Variants in LUZP2 observed in about 807,000 individuals in gnomAD.
The protein encoded by LUZP2 is leucine zipper protein 2.
Under a neutral mutation model 51.6 loss-of-function variants are expected in LUZP2, and 52 were observed. That is an observed-to-expected ratio of 1.01 (90% CI 0.81 to 1.27). LUZP2 has a LOEUF of 1.27. LUZP2 is among the 50% of genes most tolerant of loss of function. The pLI, the probability that LUZP2 is intolerant of heterozygous loss-of-function variation, is 0.00. For missense variants in LUZP2, 436 were observed against 395.4 expected (o/e 1.10, Z -0.87); for synonymous variants, 154 against 137.3 (o/e 1.12, Z -0.85).
chr11:24,726,157 G>A (rs561223972), intron 1 of LUZP2, among the ~76,000 whole-genome samples: 2 of 152,048 alleles, frequency 1.3e-5, no homozygotes, highest in Admixed American at 1.3e-4. Flanking sequence ...CATATAAACA[G>A]ATAATTCACA....
At chr11:24,807,354 T>G (rs1849886061) in intron 5 of LUZP2, among the ~76,000 whole-genome samples, 1 of 151,472 alleles carries the variant, frequency 6.6e-6, no homozygotes, top group East Asian at 2.0e-4. Context: ...CGCAGCTACT[T>G]GGGAGGCTGA....
Position 24,805,956 on chromosome 11 carries a change from G to A in LUZP2, c.396+42648G>A, listed in dbSNP as rs79825193. On this transcript the variant is annotated intron_variant, in intron 5 of 11. Coordinates refer to ENST00000336930, the MANE Select transcript of LUZP2 (RefSeq NM_001009909.4). ...ATTCCACATTTCTGTCCTGCAACAA[G>A]AGTAAGAAAAGTGTGTCTTGGCAGA... 2.8e-3 allele frequency among the ~76,000 whole-genome samples: 425 copies of A among 152,294 alleles called. 4 individuals carry two copies. Among genetic ancestry groups the A allele is most frequent in the African/African-American group, 9.8e-3 (408 of 41,562 alleles).
At chr11:24,996,968 A>G (rs1055270528) in intron 9 of LUZP2, among the ~76,000 whole-genome samples, 25 of 150,648 alleles carry the variant, frequency 1.7e-4, no homozygotes, top group Non-Finnish European at 3.2e-4. Context: ...TTATGGCTGC[A>G]TAGTATTCCA....
chr11:24,983,252 A>G lies in LUZP2; in HGVS notation c.724A>G (p.Asn242Asp), dbSNP rs1197620589. 1.9e-6 allele frequency: 3 copies of G among 1,612,170 alleles called. No homozygotes were observed. Among genetic ancestry groups the G allele is most frequent in the Non-Finnish European group, 2.5e-6 (3 of 1,178,788 alleles). The part of the protein sequence containing the change: ...NPTRMLLPPR[N>D]IASKLPDAAA... Reference sequence around the variant, plus strand: ...AACTCGGATGTTACTCCCACCCAGGAATATTGCCTCTAAGCTTCCAGATGC... The same window carrying G: ...AACTCGGATGTTACTCCCACCCAGGGATATTGCCTCTAAGCTTCCAGATGC... Residue 242 changes from asparagine to aspartate, a missense_variant, in exon 9 of 12, where the codon AAT becomes GAT. Coordinates refer to ENST00000336930, the MANE Select transcript of LUZP2 (RefSeq NM_001009909.4).
chr11:25,040,830 T>G (rs1565268386), intron 9 of LUZP2, among the ~76,000 whole-genome samples: 1 of 152,204 alleles, frequency 6.6e-6, no homozygotes, highest in Non-Finnish European at 1.5e-5. Context: ...AAATGACTAT[T>G]CCAATCATTT....
chr11:24,628,870 T>A (rs983357814), intron 1 of LUZP2, among the ~76,000 whole-genome samples: 1 of 152,100 alleles, frequency 6.6e-6, no homozygotes, highest in Non-Finnish European at 1.5e-5. Context: ...GCTTGGTCCT[T>A]TATACAGGTG....
At chr11:25,015,465 AT>A (rs1857122262) in intron 9 of LUZP2, among the ~76,000 whole-genome samples, 1 of 152,226 alleles carries the variant, frequency 6.6e-6, no homozygotes, top group Admixed American at 6.5e-5. Flanking sequence ...AGGATTCCAC[AT>A]TGTGTTAAGT....
chr11:24,520,595 CAT>C (rs918569030), intron 1 of LUZP2, among the ~76,000 whole-genome samples: 37 of 152,304 alleles, frequency 2.4e-4, no homozygotes, highest in African/African-American at 8.9e-4. Context: ...CTTTCATTCA[CAT>C]GTTTGTGTTA....
At chr11:24,796,539 G>A (rs149638421) in intron 5 of LUZP2, among the ~76,000 whole-genome samples, 1 of 133,798 alleles carries the variant, frequency 7.5e-6, no homozygotes, top group African/African-American at 2.7e-5. Context: ...GTGTGCCACA[G>A]CAAGGGATAG....
At chr11:24,983,455 T>C (rs539762868) in intron 9 of LUZP2, among the ~76,000 whole-genome samples, 162 bp downstream of exon 9, 1 of 151,910 alleles carries the variant, frequency 6.6e-6, no homozygotes, top group East Asian at 1.9e-4. Context: ...AAAATCTCCA[T>C]AGTCACTAGA....
At chr11:24,780,117 T>A (rs1490431335) in intron 5 of LUZP2, among the ~76,000 whole-genome samples, 1 of 152,124 alleles carries the variant, frequency 6.6e-6, no homozygotes, top group Non-Finnish European at 1.5e-5. Flanking sequence ...GTAATTTAAT[T>A]AGGAAACTAA....
At position 24,508,133 on chromosome 11, in the gene LUZP2, T is replaced by C. The variant is rs116137269; in HGVS notation, c.62+10828T>C. 4.0e-3 allele frequency among the ~76,000 whole-genome samples: 615 copies of C among 152,242 alleles called. 3 individuals carry two copies. The highest frequency in any genetic ancestry group is 0.014 in the African/African-American group (595 of 41,560). On this transcript the variant is annotated intron_variant, in intron 1 of 11. Coordinates refer to ENST00000336930, the MANE Select transcript of LUZP2 (RefSeq NM_001009909.4). Reference sequence around the variant, plus strand: ...ACTAAGGCACATGAGATTAGATTACTTGGCCAACATTATAACTGGTAAGCA... The same window carrying C: ...ACTAAGGCACATGAGATTAGATTACCTGGCCAACATTATAACTGGTAAGCA...
In LUZP2 at chr11:24,695,887, T is replaced by TAA. The variant is rs35765058; in HGVS notation, c.63-33273_63-33272dup. On this transcript the variant is annotated intron_variant, in intron 1 of 11. Transcript: ENST00000336930. ...AATTTAAAATATGCATATACTTTTCTAAAAAAAAAAGCCTTTGAGGTGGGG... is the reference window on the plus strand; with the variant it reads ...AATTTAAAATATGCATATACTTTTCTAAAAAAAAAAAAGCCTTTGAGGTGGGG... Among the ~76,000 whole-genome samples the TAA allele has an allele frequency of 2.3e-4, 33 of 144,968 alleles. No homozygotes were observed. In the East Asian group the frequency reaches 6.6e-3, roughly 29 times the overall value.
chr11:25,000,656 G>A (rs1181819399), intron 9 of LUZP2, among the ~76,000 whole-genome samples: 1 of 152,182 alleles, frequency 6.6e-6, no homozygotes, highest in African/African-American at 2.4e-5. Context: ...TGGTATAAGA[G>A]TTTGAAAGGT....
chr11:24,590,129 T>C (rs1379557375), intron 1 of LUZP2, among the ~76,000 whole-genome samples: 1 of 152,194 alleles, frequency 6.6e-6, no homozygotes, highest in African/African-American at 2.4e-5. Context: ...GAATGTTTTA[T>C]ATAATATCAT....
chr11:24,995,778 A>T (rs1856476673), intron 9 of LUZP2, among the ~76,000 whole-genome samples: 1 of 151,960 alleles, frequency 6.6e-6, no homozygotes, highest in African/African-American at 2.4e-5. Context: ...AGCATGCTCT[A>T]AATTCAATTC....
intron 9 of LUZP2, among the ~76,000 whole-genome samples, chr11:24,999,470 G>A (rs930668928): frequency 2.0e-5 from 3 of 150,884 alleles, no homozygotes; most frequent in South Asian, 4.2e-4. Context: ...GAAGGAAAAG[G>A]AGAAAAAGAA....
At chr11:24,948,861 A>T (rs1854984362) in intron 7 of LUZP2, among the ~76,000 whole-genome samples, 1 of 150,780 alleles carries the variant, frequency 6.6e-6, no homozygotes, top group Admixed American at 6.6e-5. Flanking sequence ...CTATCTATCT[A>T]TCTATCTACC....
intron 1 of LUZP2, among the ~76,000 whole-genome samples, chr11:24,624,211 A>G (rs1854603663): frequency 6.6e-6 from 1 of 152,218 alleles, no homozygotes. Context: ...AGACTTAATA[A>G]CATGATCAGT....
Sources: gnomAD v4.1 joint callset for allele counts (sites outside exome capture counted in the v4.1 genomes callset) on GRCh38, gnomAD v4.1.1 for gene constraint, MANE v1.5 for transcripts, NCBI Gene and HGNC (gene_info 2026-07-23, HGNC 2026-07-21) for gene names.